The following KCND3 variants were observed in gnomAD, a reference collection of about 807,000 sequenced individuals.
KCND3 encodes A-type voltage-gated potassium channel KCND3.
In KCND3, 9 loss-of-function variants were observed where a neutral mutation model predicts 51.1. The ratio of observed to expected loss-of-function variants is 0.18; its 90% confidence interval spans 0.11 to 0.31. The LOEUF is 0.31. Ranked by LOEUF, KCND3 falls within the 10% of genes least tolerant of loss-of-function variation. KCND3 has a pLI of 1.00. For synonymous variants in KCND3, 349 were observed against 368.0 expected, an observed-to-expected ratio of 0.95 and a Z score of 0.59; for missense variants, 526 against 903.8, an observed-to-expected ratio of 0.58 and a Z score of 5.36.
chr1:111,915,728 G>T (rs1006004079), intron 2 of KCND3, among the ~76,000 whole-genome samples: 42 of 147,894 alleles, frequency 2.8e-4, no homozygotes, highest in African/African-American at 9.7e-4. Context: ...ACTCCAGCCT[G>T]GGTGACAAAG....
chr1:111,943,219 C>A (rs577544696), intron 2 of KCND3, among the ~76,000 whole-genome samples: 7 of 152,134 alleles, frequency 4.6e-5, no homozygotes, highest in Non-Finnish European at 8.8e-5. Flanking sequence ...TCAGATGCAG[C>A]CAGAGGACCC....
chr1:111,972,295 C>T (rs1480964550), intron 2 of KCND3, among the ~76,000 whole-genome samples: 1 of 150,512 alleles, frequency 6.6e-6, no homozygotes, highest in East Asian at 1.9e-4. Context: ...GCCTCAGCCT[C>T]CCAAGTAGCT....
chr1:111,901,938 ACT>A (rs1422784030), intron 2 of KCND3, among the ~76,000 whole-genome samples: 1 of 152,214 alleles, frequency 6.6e-6, no homozygotes. Context: ...TGCAGCTGAG[ACT>A]GAGGCCAGGA....
At chr1:111,900,794 TA>T (rs1363981857) in intron 2 of KCND3, among the ~76,000 whole-genome samples, 6 of 152,054 alleles carry the variant, frequency 3.9e-5, no homozygotes, top group Non-Finnish European at 1.5e-5. Flanking sequence ...CCGTCTCTAC[TA>T]AAAATACAAA....
At chr1:111,963,096 A>G (rs1407041877) in intron 2 of KCND3, among the ~76,000 whole-genome samples, 1 of 152,226 alleles carries the variant, frequency 6.6e-6, no homozygotes, top group Non-Finnish European at 1.5e-5. Flanking sequence ...ACCCATCCCC[A>G]GCTGGGTCTC....
chr1:111,861,817 T>C (rs1473722493), intron 2 of KCND3, among the ~76,000 whole-genome samples: 1 of 152,198 alleles, frequency 6.6e-6, no homozygotes, highest in African/African-American at 2.4e-5. Flanking sequence ...CCTTATGCCA[T>C]CTATCAGCGG....
chr1:111,894,267 G>A (rs1417523936), intron 2 of KCND3, among the ~76,000 whole-genome samples: 1 of 152,128 alleles, frequency 6.6e-6, no homozygotes, highest in Non-Finnish European at 1.5e-5. Context: ...CCCATTATGA[G>A]GCTTTGGCTG....
At chr1:111,971,481 T>TG (rs746031244) in intron 2 of KCND3, among the ~76,000 whole-genome samples, 2 of 152,146 alleles carry the variant, frequency 1.3e-5, no homozygotes, top group Admixed American at 6.5e-5. Flanking sequence ...AAGTTCCTAC[T>TG]GGGGGCAGGT....
chr1:111,851,952 T>A lies in KCND3; in HGVS notation c.1107-64846A>T, dbSNP rs373864525. ...CTTGGTTTGGCTCCCTATAGCCTCC[T>A]CTTGTCTCTGCCTCTAAGCTCCCAG... On this transcript the variant is annotated intron_variant, in intron 2 of 7. Transcript: ENST00000302127. Among the ~76,000 whole-genome samples the A allele has an allele frequency of 7.2e-5, 11 of 152,346 alleles. No individual in the cohort carries two copies. The East Asian group carries it at 1.7e-3, about 24-fold the overall frequency.
chr1:111,845,171 T>C (rs1199956573), intron 2 of KCND3, among the ~76,000 whole-genome samples: 1 of 152,136 alleles, frequency 6.6e-6, no homozygotes, highest in Non-Finnish European at 1.5e-5. Context: ...AGAGCAAAGT[T>C]TTTGGCAGCC....
chr1:111,957,704 A>G (rs889951548), intron 2 of KCND3, among the ~76,000 whole-genome samples: 2 of 152,208 alleles, frequency 1.3e-5, no homozygotes, highest in Non-Finnish European at 2.9e-5. Flanking sequence ...CCTGCCCTCT[A>G]CTCTTTATGG....
At chr1:111,979,719 T>C (rs957369802) in intron 2 of KCND3, among the ~76,000 whole-genome samples, 1 of 152,206 alleles carries the variant, frequency 6.6e-6, no homozygotes, top group Non-Finnish European at 1.5e-5. Context: ...TACAGAATTT[T>C]TTCCAACCTT....
intron 2 of KCND3, among the ~76,000 whole-genome samples, chr1:111,788,494 C>T (rs1248350401): frequency 1.3e-5 from 2 of 152,194 alleles, no homozygotes; most frequent in Admixed American, 6.5e-5. Context: ...GACAGGTATT[C>T]GGTGAATGAA....
Position 111,861,578 on chromosome 1 carries a change from G to A in KCND3, c.1107-74472C>T, listed in dbSNP as rs868804662. Reference sequence around the variant, plus strand: ...TTCCTGTGTTTACGGAGGGAAGCGGGTGGCAGGAGGGGGCCCACCGGCAGT... The same window carrying A: ...TTCCTGTGTTTACGGAGGGAAGCGGATGGCAGGAGGGGGCCCACCGGCAGT... On this transcript the variant is annotated intron_variant, in intron 2 of 7. Coordinates refer to ENST00000302127, the MANE Select transcript of KCND3 (RefSeq NM_001378969.1). 3.3e-5 allele frequency among the ~76,000 whole-genome samples: 5 copies of A among 152,204 alleles called. 1 individual carries two copies. The highest frequency in any genetic ancestry group is 6.5e-5 in the Admixed American group (1 of 15,298).
chr1:111,793,899 G>A (rs1018469977), intron 2 of KCND3, among the ~76,000 whole-genome samples: 1 of 152,160 alleles, frequency 6.6e-6, no homozygotes, highest in Non-Finnish European at 1.5e-5. Flanking sequence ...TGCAAATAAC[G>A]ACTCTCCTCT....
chr1:111,965,438 CCACACACACACACACACACACACACACA>C (rs56156826), intron 2 of KCND3, among the ~76,000 whole-genome samples: 1 of 72,362 alleles, frequency 1.4e-5, no homozygotes, highest in East Asian at 5.8e-4. Flanking sequence ...GCCAGCAAAA[CCACACACACACACACACACACACACACA>C]CACACACACA....
At chr1:111,951,176 AAAAAAAAAAG>A in intron 2 of KCND3, among the ~76,000 whole-genome samples, 4 of 150,796 alleles carry the variant, frequency 2.7e-5, no homozygotes, top group Non-Finnish European at 5.9e-5. Flanking sequence ...AAAAAAAAAA[AAAAAAAAAAG>A]ACCTATAGTA....
chr1:111,870,897 A>T (rs1668800761), intron 2 of KCND3, among the ~76,000 whole-genome samples: 1 of 152,218 alleles, frequency 6.6e-6, no homozygotes, highest in African/African-American at 2.4e-5. Context: ...CCTAGTAGGG[A>T]TATAACAGTA....
chr1:111,989,203 C>G (rs1428207739), intron 1 of KCND3: 3 of 152,432 alleles, frequency 2.0e-5, no homozygotes, highest in South Asian at 2.1e-4. Context: ...CGCCACCTGT[C>G]TCTGGCACCC....
Sources: allele counts gnomAD v4.1 joint callset (sites outside exome capture counted in the v4.1 genomes callset), GRCh38; gene constraint gnomAD v4.1.1; transcripts MANE v1.5; gene names NCBI Gene and HGNC (gene_info 2026-07-23, HGNC 2026-07-21).